The following DPF3 variants were observed in gnomAD, a reference collection of about 807,000 sequenced individuals.
DPF3 encodes zinc finger protein DPF3.
Under a neutral mutation model 56.8 loss-of-function variants are expected in DPF3, and 18 were observed. That is an observed-to-expected ratio of 0.32 (90% CI 0.22 to 0.47). The LOEUF is 0.47. Ranked by LOEUF, DPF3 falls within the 20% of genes least tolerant of loss-of-function variation. DPF3 has a pLI of 1.00. For synonymous variants in DPF3, 188 were observed against 180.2 expected (o/e 1.04, Z -0.35); for missense variants, 403 against 488.8 (o/e 0.82, Z 1.65).
At chr14:72,730,743 C>T (rs1889606536) in intron 4 of DPF3, among the ~76,000 whole-genome samples, 2 of 151,294 alleles carry the variant, frequency 1.3e-5, no homozygotes. Context: ...AATAGAAATA[C>T]AATTTAATTT....
chr14:72,663,183 A>AC (rs1886296750), intron 8 of DPF3, among the ~76,000 whole-genome samples: 1 of 151,100 alleles, frequency 6.6e-6, no homozygotes, highest in Non-Finnish European at 1.5e-5. Context: ...AAAAAAAAAA[A>AC]ATTCCCCTCC....
At chr14:72,790,289 A>G (rs1273228439) in intron 1 of DPF3, among the ~76,000 whole-genome samples, 2 of 152,148 alleles carry the variant, frequency 1.3e-5, no homozygotes, top group Non-Finnish European at 2.9e-5. Flanking sequence ...GCTTTTCTCA[A>G]TAGATATAAA....
At chr14:72,885,665 A>T (rs1886518140) in intron 1 of DPF3, among the ~76,000 whole-genome samples, 1 of 152,106 alleles carries the variant, frequency 6.6e-6, no homozygotes, top group Non-Finnish European at 1.5e-5. Context: ...AGCCTCCCAA[A>T]GTGCTAAGAT....
At chr14:72,819,717 G>C (rs757428072) in intron 1 of DPF3, among the ~76,000 whole-genome samples, 6 of 152,090 alleles carry the variant, frequency 3.9e-5, no homozygotes, top group Non-Finnish European at 8.8e-5. Context: ...CGAGTGGATT[G>C]CTTGAGCCCA....
At chr14:72,626,564 T>G (rs1884840741) in intron 9 of DPF3, among the ~76,000 whole-genome samples, 1 of 152,156 alleles carries the variant, frequency 6.6e-6, no homozygotes, top group African/African-American at 2.4e-5. Flanking sequence ...GTGCCATTGT[T>G]TATTCAACAA....
At chr14:72,787,145 G>A (rs1423610585) in intron 1 of DPF3, among the ~76,000 whole-genome samples, 2 of 152,322 alleles carry the variant, frequency 1.3e-5, no homozygotes, top group Admixed American at 1.3e-4. Flanking sequence ...TGTCTTTATG[G>A]CTTCCTCTCC....
intron 8 of DPF3, chr14:72,671,445 C>T (rs1326367358): frequency 7.0e-7 from 1 of 1,436,650 alleles, no homozygotes; most frequent in Non-Finnish European, 9.8e-7. Context: ...AGATATAAAA[C>T]CATTTGCACA....
chr14:72,756,869 A>AAAGGAAGGAAGG (rs1272768857), intron 2 of DPF3, among the ~76,000 whole-genome samples: 15 of 95,686 alleles, frequency 1.6e-4, no homozygotes, highest in Admixed American at 8.7e-4. Context: ...AGAAAGAAAG[A>AAAGGAAGGAAGG]AAGGAAGGAA....
intron 1 of DPF3, among the ~76,000 whole-genome samples, chr14:72,887,152 AACAC>A (rs149200705): frequency 0.024 from 3,325 of 137,970 alleles, 45 homozygotes; most frequent in Middle Eastern, 0.082. Context: ...TCTGCCTCCA[AACAC>A]ACACACACAC....
At chr14:72,849,447 G>A (rs147878687) in intron 1 of DPF3, among the ~76,000 whole-genome samples, 2,162 of 152,242 alleles carry the variant, frequency 0.014, 44 homozygotes, top group African/African-American at 0.049. Flanking sequence ...TTCTGCCCAC[G>A]CTGCTGCCGC....
intron 8 of DPF3, among the ~76,000 whole-genome samples, chr14:72,635,377 G>A (rs541536981): frequency 6.6e-6 from 1 of 152,318 alleles, no homozygotes; most frequent in South Asian, 2.1e-4. Flanking sequence ...GCACTGGAAG[G>A]ACACATCTCA....
At chr14:72,757,549 G>C (rs946257997) in intron 2 of DPF3, among the ~76,000 whole-genome samples, 1 of 152,084 alleles carries the variant, frequency 6.6e-6, no homozygotes. Context: ...TTGTAGGAAA[G>C]AGTTAGTGAC....
At chr14:72,842,070 G>A (rs1234588062) in intron 1 of DPF3, among the ~76,000 whole-genome samples, 1 of 147,544 alleles carries the variant, frequency 6.8e-6, no homozygotes, top group Non-Finnish European at 1.5e-5. Flanking sequence ...CTGGATGACA[G>A]AGTGAGACCC....
At chr14:72,635,405 GT>G (rs1196474557) in intron 8 of DPF3, among the ~76,000 whole-genome samples, 1 of 152,220 alleles carries the variant, frequency 6.6e-6, no homozygotes, top group East Asian at 1.9e-4. Context: ...ACAGAAACAT[GT>G]GCACAGATGC....
chr14:72,853,932 C>T (rs1567257629), intron 1 of DPF3, among the ~76,000 whole-genome samples: 2 of 152,214 alleles, frequency 1.3e-5, no homozygotes, highest in South Asian at 2.1e-4. Context: ...ACATACAAAC[C>T]TCCAAGATCT....
At chr14:72,780,033 A>G (rs1360278127) in intron 1 of DPF3, among the ~76,000 whole-genome samples, 1 of 152,244 alleles carries the variant, frequency 6.6e-6, no homozygotes, top group East Asian at 1.9e-4. Context: ...AGCCTAGTAC[A>G]TGCTGGGTCA....
At chr14:72,661,704 TC>T in intron 8 of DPF3, 1 of 985,428 alleles carries the variant, frequency 1.0e-6, no homozygotes, top group Non-Finnish European at 1.2e-6. Flanking sequence ...GAGGTTCTCA[TC>T]CTTCAGGTCG....
intron 1 of DPF3, among the ~76,000 whole-genome samples, chr14:72,851,404 G>A (rs1169988258): frequency 1.3e-5 from 2 of 151,966 alleles, no homozygotes; most frequent in African/African-American, 2.4e-5. Flanking sequence ...TAACTCACAC[G>A]GCACTATCTG....
chr14:72,659,840 G>T (rs1178689393), intron 8 of DPF3, among the ~76,000 whole-genome samples: 1 of 152,148 alleles, frequency 6.6e-6, no homozygotes, highest in Non-Finnish European at 1.5e-5. Flanking sequence ...AGCTAAATGC[G>T]GTTTACACAT....
Sources: allele counts gnomAD v4.1 joint callset (sites outside exome capture counted in the v4.1 genomes callset), GRCh38; gene constraint gnomAD v4.1.1; transcripts MANE v1.5; gene names NCBI Gene and HGNC (gene_info 2026-07-23, HGNC 2026-07-21).